Variants in GPC4 observed in about 807,000 individuals in gnomAD.
The protein encoded by GPC4 is glypican-4.
Under a neutral mutation model 35.0 loss-of-function variants are expected in GPC4, and 10 were observed. That is an observed-to-expected ratio of 0.29 (90% CI 0.18 to 0.48). The LOEUF is 0.48. Ranked by LOEUF, GPC4 falls within the 20% of genes least tolerant of loss-of-function variation. GPC4 has a pLI of 0.99. For synonymous variants in GPC4, 167 were observed against 170.2 expected (o/e 0.98, Z 0.15); for missense variants, 322 against 451.3 (o/e 0.71, Z 2.60).
chrX:133,340,241 C>G (rs1212732383), intron 1 of GPC4, among the ~76,000 whole-genome samples: 1 of 110,552 alleles, frequency 9.0e-6, no homozygotes, highest in East Asian at 2.9e-4. Flanking sequence ...TTGTTCTCCT[C>G]TGTCACAGAA....
chrX:133,319,658 G>T (rs919554031), intron 3 of GPC4, among the ~76,000 whole-genome samples: 2 of 109,681 alleles, frequency 1.8e-5, no homozygotes, highest in Admixed American at 9.8e-5. Flanking sequence ...TGCAAACTGT[G>T]CTTCTTGGGC....
intron 3 of GPC4, among the ~76,000 whole-genome samples, chrX:133,317,546 C>T (rs1294053625): frequency 2.7e-5 from 3 of 111,350 alleles, no homozygotes; most frequent in Non-Finnish European, 5.7e-5. Context: ...TAATTCAGAA[C>T]GAGCCTTAAG....
chrX:133,354,573 T>A (rs951714474), intron 1 of GPC4, among the ~76,000 whole-genome samples: 48 of 106,045 alleles, frequency 4.5e-4, no homozygotes, highest in Non-Finnish European at 7.1e-4. Flanking sequence ...TATTTATTTT[T>A]TTTTTTGAGA....
chrX:133,306,964 C>T (rs1285976044), intron 4 of GPC4, among the ~76,000 whole-genome samples: 1 of 112,003 alleles, frequency 8.9e-6, no homozygotes, highest in Non-Finnish European at 1.9e-5. Flanking sequence ...TCTTTGTTTT[C>T]TTGCCATATA....
chrX:133,405,808 T>C (rs2068784846), intron 1 of GPC4, among the ~76,000 whole-genome samples: 1 of 112,785 alleles, frequency 8.9e-6, no homozygotes, highest in South Asian at 3.6e-4. Context: ...CCTCAAAAGC[T>C]TGATTCCTGC....
intron 1 of GPC4, among the ~76,000 whole-genome samples, chrX:133,346,293 A>T (rs1195204502): frequency 8.9e-6 from 1 of 111,910 alleles, no homozygotes; most frequent in East Asian, 2.8e-4. Context: ...ATAGGAAGTC[A>T]GCATGAATCA....
At chrX:133,343,007 A>G (rs1465896987) in intron 1 of GPC4, among the ~76,000 whole-genome samples, 5 of 111,455 alleles carry the variant, frequency 4.5e-5, no homozygotes, top group Admixed American at 2.9e-4. Flanking sequence ...CTTCTCACTG[A>G]AGAAAGATGC....
At chrX:133,316,814 T>C (rs1000264687) in intron 3 of GPC4, among the ~76,000 whole-genome samples, 2 of 111,964 alleles carry the variant, frequency 1.8e-5, no homozygotes, top group African/African-American at 6.5e-5. Context: ...AAGAAAACAC[T>C]GCTGGATGTG....
At position 133,334,170 on chromosome X, in the gene GPC4, C is replaced by T. The variant is rs376043844; in HGVS notation, c.319+5013G>A. On this transcript the variant is annotated intron_variant, in intron 2 of 8. Coordinates refer to ENST00000370828, the MANE Select transcript of GPC4 (RefSeq NM_001448.3). Reference sequence around the variant, plus strand: ...ATTTTAATGCCTCCTACTCACTGATCCTCTGCACTGGTTAATGGCTAATAT... The same window carrying T: ...ATTTTAATGCCTCCTACTCACTGATTCTCTGCACTGGTTAATGGCTAATAT... Among the ~76,000 whole-genome samples the T allele has an allele frequency of 1.7e-4, 19 of 111,868 alleles. No individual in the cohort carries two copies. In the East Asian group the frequency reaches 3.7e-3, roughly 22 times the overall value.
intron 1 of GPC4, among the ~76,000 whole-genome samples, chrX:133,400,958 G>A (rs1011203846): frequency 9.1e-6 from 1 of 110,250 alleles, no homozygotes; most frequent in Admixed American, 9.8e-5. Context: ...ACCAGGAAAA[G>A]CTTCTCTATT....
At chrX:133,320,236 ACTACACAATTATCTCTTAGG>A (rs2068357728) in intron 3 of GPC4, among the ~76,000 whole-genome samples, 1 of 111,783 alleles carries the variant, frequency 8.9e-6, no homozygotes, top group African/African-American at 3.3e-5. Flanking sequence ...TTCCCATACA[ACTACACAATTATCTCTTAGG>A]CTAACATGAG....
intron 1 of GPC4, among the ~76,000 whole-genome samples, chrX:133,347,380 T>C (rs2068498214): frequency 1.9e-5 from 2 of 107,346 alleles, no homozygotes; most frequent in Admixed American, 2.0e-4. Flanking sequence ...ATACTTGATG[T>C]AATTCTAATA....
At chrX:133,372,320 G>A (rs1312320602) in intron 1 of GPC4, among the ~76,000 whole-genome samples, 2 of 108,845 alleles carry the variant, frequency 1.8e-5, no homozygotes, top group African/African-American at 3.3e-5. Context: ...AGCCCCCAAG[G>A]ATATCTGTAT....
rs900264592 is a variant in GPC4, at chrX:133,415,103, G to A, written c.-138C>T. On this transcript the variant is annotated 5_prime_UTR_variant, in exon 1 of 9. Transcript: ENST00000370828. ...GAAGGAGTTGGAGTTGGTGGAAGAG[G>A]CGAGCAGGCGGAGGAGACGCGGGGC... 5 of 613,766 alleles carry A rather than the reference G, an allele frequency of 8.1e-6. No individual in the cohort carries two copies. The highest frequency in any genetic ancestry group is 1.1e-3 in the Middle Eastern group (2 of 1,881). The allele number at this position is 613,766 out of a possible 1,213,427, so 50.6% of individuals were successfully genotyped here. A position where few individuals can be genotyped will look rare whatever the true frequency, so the allele number is the denominator to read the frequency against.
At position 133,393,659 on chromosome X, in the gene GPC4, T is replaced by C. The variant is rs947192959; in HGVS notation, c.160+21147A>G. On this transcript the variant is annotated intron_variant, in intron 1 of 8. Transcript: ENST00000370828. ...TAAAGTTTCCTTCCTTTCAACCTTC[T>C]GAAAGAAAGAAAAAAAAAGAAATGT... 1.4e-4 allele frequency among the ~76,000 whole-genome samples: 15 copies of C among 110,182 alleles called. No individual in the cohort carries two copies. The Admixed American group carries it at 1.4e-3, about 10-fold the overall frequency.
intron 3 of GPC4, among the ~76,000 whole-genome samples, chrX:133,314,001 A>C (rs2068326935): frequency 8.9e-6 from 1 of 112,306 alleles, no homozygotes; most frequent in Non-Finnish European, 1.9e-5. Context: ...ATTATGCTTA[A>C]GAGGAGACAA....
At position 133,300,372 on chromosome X, in the gene GPC4, C is replaced by T. The variant is rs1433098267; in HGVS notation, c.*2495G>A. The T allele has an allele frequency of 3.6e-5, 4 of 111,789 alleles. No homozygotes were observed. In the East Asian group the frequency reaches 1.1e-3, roughly 31 times the overall value. The allele number at this position is 111,789 out of a possible 1,213,427, so 9.2% of individuals were successfully genotyped here. A position where few individuals can be genotyped will look rare whatever the true frequency, so the allele number is the denominator to read the frequency against. ...ATAAATGACTTTGTAAAACACAAGC[C>T]CTTCACATGCTGTTAACTTTGGAAA... On this transcript the variant is annotated 3_prime_UTR_variant, in exon 9 of 9. Transcript: ENST00000370828.
intron 1 of GPC4, among the ~76,000 whole-genome samples, chrX:133,401,870 G>A (rs760199176): frequency 4.5e-5 from 5 of 111,854 alleles, no homozygotes; most frequent in Non-Finnish European, 9.4e-5. Context: ...TAAACACAAA[G>A]AACTAATCCT....
At chrX:133,330,485 G>C (rs1166728523) in intron 2 of GPC4, among the ~76,000 whole-genome samples, 1 of 111,292 alleles carries the variant, frequency 9.0e-6, no homozygotes, top group Non-Finnish European at 1.9e-5. Flanking sequence ...ATCTCCTCCT[G>C]TTTTGCTTTT....
Sources: allele counts gnomAD v4.1 joint callset (sites outside exome capture counted in the v4.1 genomes callset), GRCh38; gene constraint gnomAD v4.1.1; transcripts MANE v1.5; gene names NCBI Gene and HGNC (gene_info 2026-07-23, HGNC 2026-07-21).